The following STOX2 variants were observed in gnomAD, a reference collection of about 807,000 sequenced individuals.
STOX2 encodes the protein storkhead box 2.
In STOX2, 28 loss-of-function variants were observed where a neutral mutation model predicts 60.9. The observed-to-expected ratio is 0.46, with a 90% confidence interval of 0.34 to 0.63. The LOEUF (loss-of-function observed/expected upper bound fraction) is 0.63. Among genes scored for constraint, STOX2 ranks in the 30% least tolerant of loss-of-function variants. The pLI, the probability that STOX2 is intolerant of heterozygous loss-of-function variation, is 0.01. For missense variants in STOX2, 1,024 were observed against 1,187.7 expected (o/e 0.86, Z 2.03); for synonymous variants, 472 against 463.9 (o/e 1.02, Z -0.22).
chr4:183,869,487 G>T (rs1308037825), intron 1 of STOX2, among the ~76,000 whole-genome samples: 1 of 152,022 alleles, frequency 6.6e-6, no homozygotes, highest in Non-Finnish European at 1.5e-5. Flanking sequence ...GAGGTGATCT[G>T]TATTAATATA....
chr4:183,929,671 T>C (rs1742353351), intron 1 of STOX2, among the ~76,000 whole-genome samples: 1 of 152,152 alleles, frequency 6.6e-6, no homozygotes, highest in Non-Finnish European at 1.5e-5. Flanking sequence ...CACTTCGCGC[T>C]GCCATTCCAC....
At chr4:183,920,374 C>G (rs2111100554) in intron 1 of STOX2, among the ~76,000 whole-genome samples, 1 of 152,302 alleles carries the variant, frequency 6.6e-6, no homozygotes, top group South Asian at 2.1e-4. Flanking sequence ...TCCCGAAGTG[C>G]TGGGATTACA....
At chr4:183,843,816 C>T (rs554010913) in intron 1 of STOX2, among the ~76,000 whole-genome samples, 1 of 152,008 alleles carries the variant, frequency 6.6e-6, no homozygotes, top group South Asian at 2.1e-4. Flanking sequence ...ATCTTTAATT[C>T]CATAATCCAT....
intron 3 of STOX2, chr4:184,014,384 A>G (rs1734281708): frequency 6.6e-6 from 1 of 152,148 alleles, no homozygotes; most frequent in South Asian, 2.1e-4. Flanking sequence ...CACAATATGA[A>G]AATCAGAGAC....
At chr4:183,961,356 TTGC>T (rs755147300) in intron 1 of STOX2, among the ~76,000 whole-genome samples, 144 of 151,682 alleles carry the variant, frequency 9.5e-4, no homozygotes, top group Middle Eastern at 6.8e-3. Flanking sequence ...CAAGTGATGG[TTGC>T]TGCTGCTGCT....
chr4:183,822,667 G>A (rs1271967345), intron 1 of STOX2, among the ~76,000 whole-genome samples: 1 of 152,198 alleles, frequency 6.6e-6, no homozygotes, highest in African/African-American at 2.4e-5. Context: ...CTGAGCGATG[G>A]GGAGCAGCTG....
intron 1 of STOX2, among the ~76,000 whole-genome samples, chr4:183,860,432 A>G (rs1424149939): frequency 2.0e-4 from 19 of 93,152 alleles, no homozygotes; most frequent in African/African-American, 5.4e-4. Flanking sequence ...AACAAACAAA[A>G]AACAAAAAAC....
In STOX2 at chr4:183,865,395, C is replaced by A. The variant is rs1191465159; in HGVS notation, c.364+67340C>A. Among the ~76,000 whole-genome samples, 1 of 152,118 alleles carries A rather than the reference C, an allele frequency of 6.6e-6. No homozygotes were observed. Among genetic ancestry groups the A allele is most frequent in the Non-Finnish European group, 1.5e-5 (1 of 68,036 alleles). Reference sequence around the variant, plus strand: ...GCAGAGACTATAGAAAAGGCATGAACAATTACTATAGAAACTGCCACAAAC... The same window carrying A: ...GCAGAGACTATAGAAAAGGCATGAAAAATTACTATAGAAACTGCCACAAAC... On this transcript the variant is annotated intron_variant, in intron 1 of 2. Transcript: ENST00000513034. This position sits in a 1 kb window ranked among gnomAD's most constrained non-coding sequence, Gnocchi z 4.1.
chr4:183,983,264 C>T (rs1732721939), intron 1 of STOX2, among the ~76,000 whole-genome samples: 5 of 152,182 alleles, frequency 3.3e-5, no homozygotes, highest in South Asian at 2.1e-4. Context: ...TCCTTGATGG[C>T]GCTTTTCTCA....
intron 1 of STOX2, among the ~76,000 whole-genome samples, chr4:183,850,224 C>T (rs988602749): frequency 3.3e-5 from 5 of 151,754 alleles, no homozygotes; most frequent in Non-Finnish European, 7.4e-5. Flanking sequence ...CTGCCTGCCT[C>T]GGCCTCCCAA....
At chr4:183,992,178 A>T (rs1456117940) in intron 1 of STOX2, among the ~76,000 whole-genome samples, 1 of 152,216 alleles carries the variant, frequency 6.6e-6, no homozygotes, top group Admixed American at 6.5e-5. Flanking sequence ...GGTTGGTAGC[A>T]GTCAATCGGT....
intron 1 of STOX2, among the ~76,000 whole-genome samples, chr4:183,862,362 G>T (rs140479594): frequency 0.013 from 1,919 of 152,294 alleles, 47 homozygotes; most frequent in African/African-American, 0.044. Context: ...TTTGAGTAGA[G>T]ACAGGGTTTC....
intron 1 of STOX2, among the ~76,000 whole-genome samples, chr4:183,995,948 CACCCGGCT>C (rs1360818594): frequency 2.0e-5 from 3 of 152,192 alleles, no homozygotes; most frequent in African/African-American, 7.2e-5. Context: ...CCTCATCATC[CACCCGGCT>C]ACTCTTTCTC....
intron 3 of STOX2, chr4:184,015,323 G>A (rs887014421): frequency 5.3e-5 from 8 of 152,228 alleles, no homozygotes; most frequent in Non-Finnish European, 1.0e-4. Flanking sequence ...CCACTGGTGA[G>A]TTTTCCTGGG....
At chr4:183,807,782 G>A (rs1272594631) in intron 1 of STOX2, among the ~76,000 whole-genome samples, 1 of 152,200 alleles carries the variant, frequency 6.6e-6, no homozygotes, top group Non-Finnish European at 1.5e-5. Context: ...GAGCATGGGA[G>A]ACGGCCCAGA....
intron 1 of STOX2, among the ~76,000 whole-genome samples, chr4:183,872,117 G>T (rs565371201): frequency 1.1e-3 from 170 of 152,088 alleles, no homozygotes; most frequent in African/African-American, 3.7e-3. Context: ...GTATAGTGGC[G>T]CAATCTTGGC....
intron 1 of STOX2, among the ~76,000 whole-genome samples, chr4:183,919,230 T>C (rs1474105547): frequency 1.3e-5 from 2 of 152,104 alleles, no homozygotes; most frequent in African/African-American, 4.8e-5. Flanking sequence ...CACAGAATGT[T>C]TGTTTGGGAT....
chr4:183,854,551 T>C (rs547158778), intron 1 of STOX2, among the ~76,000 whole-genome samples: 113 of 152,336 alleles, frequency 7.4e-4, no homozygotes, highest in Non-Finnish European at 8.8e-4. Flanking sequence ...TTATTATTTT[T>C]TATAAAAAGT....
At chr4:183,853,948 G>T (rs1740227878) in intron 1 of STOX2, 1 of 152,172 alleles carries the variant, frequency 6.6e-6, no homozygotes, top group South Asian at 2.1e-4. Context: ...TTCTGTTCTG[G>T]CGATGTTAGA....
Sources: gnomAD v4.1 joint callset for allele counts (sites outside exome capture counted in the v4.1 genomes callset) on GRCh38, gnomAD v4.1.1 for gene constraint, Gnocchi (gnomAD v3.1) non-coding constraint, MANE v1.5 for transcripts, NCBI Gene and HGNC (gene_info 2026-07-23, HGNC 2026-07-21) for gene names.